Variants in TRRAP observed in about 807,000 individuals in gnomAD.
TRRAP encodes the protein transformation/transcription domain associated protein.
In TRRAP, 41 loss-of-function variants were observed where a neutral mutation model predicts 438.8. The observed-to-expected ratio is 0.09, with a 90% confidence interval of 0.07 to 0.12. The LOEUF is 0.12. TRRAP is among the 10% of genes least tolerant of loss of function. The probability of loss-of-function intolerance (pLI) is 1.00; values close to 1 mark genes in which losing one functional copy is unlikely to be tolerated. For synonymous variants in TRRAP, 1,994 were observed against 1,962.9 expected (o/e 1.02, Z -0.42); for missense variants, 3,122 against 5,055.1 (o/e 0.62, Z 11.60).
At chr7:98,938,479 T>C (rs1790654338) in intron 30 of TRRAP, among the ~76,000 whole-genome samples, 2 of 152,192 alleles carry the variant, frequency 1.3e-5, no homozygotes, top group African/African-American at 4.8e-5. Flanking sequence ...GTTAAGACTT[T>C]GTTGTGTATC....
Position 98,950,103 on chromosome 7 carries a change from C to T in TRRAP, c.5175C>T (p.Leu1725=). 1.9e-6 allele frequency: 3 copies of T among 1,614,216 alleles called. No individual in the cohort carries two copies. In the South Asian group the frequency reaches 3.3e-5, roughly 18 times the overall value. The change falls in exon 38 of 73, where the codon CTC becomes CTT. Residue 1725 remains leucine (L), a synonymous_variant. Transcript: ENST00000456197. ...ATATAGAATTGCTGTTCCAGCTGCTCCGAGCCTTTACTGGTCGTTTTCTCT... is the reference window on the plus strand; with the variant it reads ...ATATAGAATTGCTGTTCCAGCTGCTTCGAGCCTTTACTGGTCGTTTTCTCT... ...YGDIELLFQL[L]RAFTGRFLCN...
chr7:98,942,179 A>G (rs1324171772), intron 30 of TRRAP, among the ~76,000 whole-genome samples: 2 of 152,182 alleles, frequency 1.3e-5, no homozygotes, highest in East Asian at 1.9e-4. Context: ...CTCTTCCCAT[A>G]CACTTAAATG....
Position 98,948,240 on chromosome 7 carries a change from C to T in TRRAP, c.4568C>T (p.Ala1523Val). The T allele has an allele frequency of 1.2e-6, 2 of 1,614,156 alleles. No individual in the cohort carries two copies. Among genetic ancestry groups the T allele is most frequent in the South Asian group, 1.1e-5 (1 of 91,086 alleles). The change falls in exon 34 of 73, where the codon GCA (alanine) becomes GTA (valine). Residue 1523 changes from alanine (A) to valine (V), a missense_variant. Coordinates refer to ENST00000456197, the MANE Select transcript of TRRAP (RefSeq NM_001375524.1). This position sits in a 1 kb window ranked among gnomAD's most constrained non-coding sequence, Gnocchi z 4.9. ...EGVEEMKICS[A>V]IINLFHLIPA... ...GATCAGGAAATGAAGATTTGCTCAG[C>T]AATTATAAACCTTTTTCATCTGATC...
At chr7:98,938,287 C>T (rs1232162098) in intron 30 of TRRAP, among the ~76,000 whole-genome samples, 3 of 152,042 alleles carry the variant, frequency 2.0e-5, no homozygotes, top group Admixed American at 6.6e-5. Flanking sequence ...TGCAGTGAGC[C>T]GAGATGGCAT....
At position 98,921,788 on chromosome 7, in the gene TRRAP, C is replaced by T. The variant is rs782720723; in HGVS notation, c.2658C>T (p.Ser886=). The T allele has an allele frequency of 1.3e-5, 21 of 1,614,084 alleles. No individual in the cohort carries two copies. Among genetic ancestry groups the T allele is most frequent in the Admixed American group, 1.2e-4 (7 of 60,006 alleles). The change falls in exon 21 of 73, where the codon AGC becomes AGT. Residue 886 remains serine (S), a synonymous_variant. Coordinates refer to ENST00000456197, the MANE Select transcript of TRRAP (RefSeq NM_001375524.1). ...GCACCTTACGCAACCCTGCTGACAG[C>T]ATCTCCCACGTGGCCTACCGTGTGC... is the stretch of plus-strand genomic sequence containing the variant. The part of the protein sequence containing the change: ...LWRTLRNPAD[S]ISHVAYRVLG...
chr7:99,012,561 G>A lies in TRRAP; in HGVS notation c.*206G>A, dbSNP rs1413162976. 10 of 622,506 alleles carry A rather than the reference G, an allele frequency of 1.6e-5. No homozygotes were observed. Among genetic ancestry groups the A allele is most frequent in the South Asian group, 2.5e-5 (1 of 40,788 alleles). The allele number at this position is 622,506 out of a possible 1,614,324, so 38.6% of individuals were successfully genotyped here. ...GAACTATGACGATGCTGGGCGAAGCGGTTGGAAATGGCAGAGCTGAAACTT... is the reference window on the plus strand; with the variant it reads ...GAACTATGACGATGCTGGGCGAAGCAGTTGGAAATGGCAGAGCTGAAACTT... On this transcript the variant is annotated 3_prime_UTR_variant, in exon 73 of 73. Coordinates refer to ENST00000456197, the MANE Select transcript of TRRAP (RefSeq NM_001375524.1). This position sits in a 1 kb window ranked among gnomAD's most constrained non-coding sequence, Gnocchi z 5.9.
At chr7:98,881,749 GTT>G in intron 2 of TRRAP, 2 of 492,424 alleles carry the variant, frequency 4.1e-6, no homozygotes, top group Non-Finnish European at 3.6e-6. Flanking sequence ...ACGTGTGTGT[GTT>G]TGTGTGTGTG....
intron 58 of TRRAP, 57 bp downstream of exon 58, chr7:98,978,961 A>G: frequency 3.7e-6 from 6 of 1,603,942 alleles, no homozygotes; most frequent in Non-Finnish European, 5.1e-6. Context: ...CTGAAGCTGC[A>G]GGTGTCTCTT....
Position 98,930,194 on chromosome 7 carries a change from C to T in TRRAP, c.3381C>T (p.Gly1127=), listed in dbSNP as rs781834516. Residue 1127 remains glycine, a synonymous_variant, in exon 24 of 73, where the codon GGC becomes GGT. Coordinates refer to ENST00000456197, the MANE Select transcript of TRRAP (RefSeq NM_001375524.1). ...TTGATGTTGCAAGTATCATCCTGGG[C>T]TCCAAGGAGAGGGTAAGGAAGGGTT... The part of the protein sequence containing the change: ...VIFDVASIIL[G]SKERACQLPL... The T allele has an allele frequency of 1.9e-6, 3 of 1,614,094 alleles. No homozygotes were observed. The highest frequency in any genetic ancestry group is 1.7e-5 in the Admixed American group (1 of 60,016).
intron 53 of TRRAP, among the ~76,000 whole-genome samples, 200 bp downstream of exon 53, chr7:98,972,145 G>A (rs374085109): frequency 1.3e-5 from 2 of 152,306 alleles, no homozygotes; most frequent in African/African-American, 4.8e-5. Flanking sequence ...TGGGCCAAGC[G>A]ATCCTCCCAC....
Position 98,999,248 on chromosome 7 carries a change from C to T in TRRAP, c.10309+4400C>T, listed in dbSNP as rs537117794. The T allele has an allele frequency of 2.7e-3, 3,140 of 1,173,920 alleles. 14 individuals carry two copies. The highest frequency in any genetic ancestry group is 2.8e-3 in the Non-Finnish European group (2,198 of 779,554). The allele number at this position is 1,173,920 out of a possible 1,614,324, so 72.7% of individuals were successfully genotyped here. A position where few individuals can be genotyped will look rare whatever the true frequency, so the allele number is the denominator to read the frequency against. Reference sequence around the variant, plus strand: ...CCAAGAAGTACATGCATTCACTGCCCAGCTTCTCGCAGAAACAGATGTCGT... The same window carrying T: ...CCAAGAAGTACATGCATTCACTGCCTAGCTTCTCGCAGAAACAGATGTCGT... On this transcript the variant is annotated intron_variant, in intron 67 of 72. Transcript: ENST00000456197.
At position 98,949,459 on chromosome 7, in the gene TRRAP, C is replaced by G. The variant is rs782418599; in HGVS notation, c.4831C>G (p.Leu1611Val). 3.1e-6 allele frequency: 5 copies of G among 1,604,128 alleles called. No individual in the cohort carries two copies. The highest frequency in any genetic ancestry group is 4.2e-6 in the Non-Finnish European group (5 of 1,176,936). Residue 1611 changes from leucine to valine, a missense_variant, in exon 36 of 73, where the codon CTG becomes GTG. Physicochemically the swap from Leu to Val is conservative, Grantham distance 32. Coordinates refer to ENST00000456197, the MANE Select transcript of TRRAP (RefSeq NM_001375524.1). ...AGACGCCAGACCTCTGCGGGATGTG[C>G]TGGCTGCCAACCCCAACAGGTTCAT... ...HKDARPLRDV[L>V]AANPNRFITL...
intron 27 of TRRAP, among the ~76,000 whole-genome samples, chr7:98,933,930 G>A (rs536875943): frequency 6.6e-6 from 1 of 152,238 alleles, no homozygotes; most frequent in Non-Finnish European, 1.5e-5. Context: ...GGGCAGGTGA[G>A]CTGGAGAGCT....
chr7:98,919,904 T>A (rs1789703306), intron 20 of TRRAP, among the ~76,000 whole-genome samples: 1 of 152,128 alleles, frequency 6.6e-6, no homozygotes, highest in Non-Finnish European at 1.5e-5. Flanking sequence ...ATCAACCAGC[T>A]AAGGCCATGC....
At chr7:98,995,506 G>A (rs1460447578) in intron 67 of TRRAP, among the ~76,000 whole-genome samples, 5 of 152,076 alleles carry the variant, frequency 3.3e-5, no homozygotes, top group Admixed American at 2.0e-4. Flanking sequence ...ATGCTTGTCT[G>A]TAGTTCAGAT....
chr7:99,010,832 T>C (rs1226234683), intron 70 of TRRAP, among the ~76,000 whole-genome samples: 1 of 152,214 alleles, frequency 6.6e-6, no homozygotes, highest in African/African-American at 2.4e-5. Context: ...ACCAGCCGCA[T>C]TGGTGCTTTA....
At position 98,879,072 on chromosome 7, in the gene TRRAP, G is replaced by C. The variant is rs560749113; in HGVS notation, c.-62+435G>C. Among the ~76,000 whole-genome samples, 753 of 152,314 alleles carry C rather than the reference G, an allele frequency of 4.9e-3. 5 individuals carry two copies. Among genetic ancestry groups the C allele is most frequent in the African/African-American group, 0.018 (729 of 41,590 alleles). The stretch of plus-strand genomic sequence containing the variant: ...ACTGGACTCGTTAGGCCCGGCGCGG[G>C]GAGCGAAGGTAGCGGCGACCACAGC... On this transcript the variant is annotated intron_variant, in intron 1 of 72. Coordinates refer to ENST00000456197, the MANE Select transcript of TRRAP (RefSeq NM_001375524.1).
Position 98,973,829 on chromosome 7 carries a change from C to T in TRRAP, c.7839+1884C>T, listed in dbSNP as rs376158285. Among the ~76,000 whole-genome samples the T allele has an allele frequency of 1.2e-4, 18 of 152,312 alleles. No homozygotes were observed. In the East Asian group the frequency reaches 1.7e-3, roughly 15 times the overall value. On this transcript the variant is annotated intron_variant, in intron 53 of 72. Transcript: ENST00000456197. ...CACCATCACCCCTGAGCCTGGTGTG[C>T]CGCCCACTTGCTGCATGTCCTTGGG... is the stretch of plus-strand genomic sequence containing the variant.
rs782721692 is a variant in TRRAP, at chr7:98,893,798, A to G, written c.367A>G (p.Thr123Ala). Residue 123 changes from threonine (T) to alanine (A), a missense_variant and splice_region_variant, in exon 6 of 73, where the codon ACG becomes GCG. Thr to Ala is a moderately conservative substitution (Grantham distance 58, BLOSUM62 0). Around this residue, in one of 24 missense-constraint regions of TRRAP, gnomAD observed 343 missense variants for 564.0 expected, o/e 0.61. Coordinates refer to ENST00000456197, the MANE Select transcript of TRRAP (RefSeq NM_001375524.1). ...VLSVMFRFLE[T>A]ENEENVLICL... The stretch of plus-strand genomic sequence containing the variant: ...ACTTTCATTAAATGCTTTTTTTTAG[A>G]CGGAAAATGAAGAAAATGTTCTTAT... 1.1e-5 allele frequency: 18 copies of G among 1,611,516 alleles called. No homozygotes were observed. The highest frequency in any genetic ancestry group is 5.4e-5 in the African/African-American group (4 of 74,756).
Sources: gnomAD v4.1 joint callset for allele counts (sites outside exome capture counted in the v4.1 genomes callset) on GRCh38, gnomAD v4.1.1 for gene constraint, gnomAD v4.1.1 regional missense constraint, Gnocchi (gnomAD v3.1) non-coding constraint, MANE v1.5 for transcripts, NCBI Gene and HGNC (gene_info 2026-07-23, HGNC 2026-07-21) for gene names.